FAM83G: variants seen among roughly 807,000 people sequenced by gnomAD.
FAM83G encodes protein FAM83G.
Under a neutral mutation model 61.5 loss-of-function variants are expected in FAM83G, and 38 were observed. That is an observed-to-expected ratio of 0.62 (90% CI 0.48 to 0.81). FAM83G has a LOEUF of 0.81. Ranked by LOEUF, FAM83G falls within the 30% of genes least tolerant of loss-of-function variation. The pLI is 0.00. For synonymous variants in FAM83G, 470 were observed against 476.1 expected (o/e 0.99, Z 0.17); for missense variants, 989 against 1,133.6 (o/e 0.87, Z 1.83).
Position 18,977,750 on chromosome 17 carries a change from T to C in FAM83G, c.1916A>G (p.Asn639Ser). Residue 639 changes from asparagine to serine, a missense_variant, in exon 5 of 6, where the codon AAC becomes AGC. Transcript: ENST00000388995. ...LRRRHSEQVA[N>S]GPTPPPRRQL... ...CCGGCGCGGTGGTGGGGTTGGCCCG[T>C]TGGCCACTTGCTCTGAGTGGCGCCT... 6.2e-7 allele frequency: 1 copy of C among 1,605,846 alleles called. No individual in the cohort carries two copies. Among genetic ancestry groups the C allele is most frequent in the Non-Finnish European group, 8.5e-7 (1 of 1,176,564 alleles).
Position 18,971,334 on chromosome 17 carries a change from T to C in FAM83G, c.*25A>G, listed in dbSNP as rs1303200247. On this transcript the variant is annotated 3_prime_UTR_variant, in exon 6 of 6. Coordinates refer to ENST00000388995, the MANE Select transcript of FAM83G (RefSeq NM_001039999.3). This position sits in a 1 kb window ranked among gnomAD's most constrained non-coding sequence, Gnocchi z 5.5. ...GAGTCTGGGCTGGGGCCTCAGAAGG[T>C]GTGGCTCCAGGCTGGGACATGCTGC... The C allele has an allele frequency of 1.9e-6, 3 of 1,606,436 alleles. No individual in the cohort carries two copies. The highest frequency in any genetic ancestry group is 2.2e-5 in the East Asian group (1 of 44,692).
chr17:18,999,141 G>T (rs2043653657), intron 2 of FAM83G, among the ~76,000 whole-genome samples: 1 of 152,176 alleles, frequency 6.6e-6, no homozygotes, highest in East Asian at 1.9e-4. Context: ...AGCTGGGCGT[G>T]GTGGCGCACA....
At chr17:18,989,959 G>A (rs73306485) in intron 2 of FAM83G, among the ~76,000 whole-genome samples, 3,095 of 152,328 alleles carry the variant, frequency 0.02, 106 homozygotes, top group African/African-American at 0.07. Flanking sequence ...CCCCCAGAGC[G>A]GACAGCGGAG....
Position 18,969,276 on chromosome 17 carries a change from G to A in FAM83G, c.*2083C>T. On this transcript the variant is annotated 3_prime_UTR_variant, in exon 6 of 6. Transcript: ENST00000388995. Reference sequence around the variant, plus strand: ...AGTGGCCCCAGCAGGAGCCCCAGAAGTTCCTCCCCGTGTCCCTCCTCCCTG... The same window carrying A: ...AGTGGCCCCAGCAGGAGCCCCAGAAATTCCTCCCCGTGTCCCTCCTCCCTG... 2 of 1,588,438 alleles carry A rather than the reference G, an allele frequency of 1.3e-6. No individual in the cohort carries two copies. Among genetic ancestry groups the A allele is most frequent in the Non-Finnish European group, 8.6e-7 (1 of 1,162,758 alleles).
At chr17:18,977,517 G>T in intron 5 of FAM83G, 67 bp downstream of exon 5, 2 of 1,474,892 alleles carry the variant, frequency 1.4e-6, no homozygotes, top group Non-Finnish European at 1.8e-6. Flanking sequence ...GAAGACAACA[G>T]CTCGAGCTCT....
At chr17:18,975,718 G>A (rs966417398) in intron 5 of FAM83G, 1 of 151,910 alleles carries the variant, frequency 6.6e-6, no homozygotes, top group Non-Finnish European at 1.5e-5. Flanking sequence ...AATCATAGAG[G>A]CTTCCTGCTC....
chr17:18,985,820 C>T (rs1389433051), intron 3 of FAM83G, among the ~76,000 whole-genome samples: 3 of 152,174 alleles, frequency 2.0e-5, no homozygotes, highest in Non-Finnish European at 4.4e-5. Flanking sequence ...ACCTGCAGTG[C>T]CAGCTGCCTT....
At chr17:18,976,970 C>T in intron 5 of FAM83G, 2 of 1,612,906 alleles carry the variant, frequency 1.2e-6, no homozygotes, top group Non-Finnish European at 1.7e-6. Context: ...CGGGCATGAT[C>T]AGCCGCGCAT....
chr17:18,994,406 G>C (rs62072660), intron 2 of FAM83G, among the ~76,000 whole-genome samples: 11,423 of 152,236 alleles, frequency 0.075, 648 homozygotes, highest in South Asian at 0.22. Context: ...GTAGCAGCTA[G>C]GATTTGCAGG....
intron 2 of FAM83G, among the ~76,000 whole-genome samples, chr17:18,988,946 G>A (rs917748995): frequency 6.6e-6 from 1 of 152,218 alleles, no homozygotes; most frequent in Non-Finnish European, 1.5e-5. Flanking sequence ...CAGGGCAGGG[G>A]GCCTGGCTGA....
rs558228631 is a variant in FAM83G at position 19,000,756 on chromosome 17, C to G, written c.522+2764G>C. On this transcript the variant is annotated intron_variant, in intron 2 of 5. Transcript: ENST00000388995. The surrounding 1 kb of genome is among the most constrained non-coding windows in gnomAD (Gnocchi z 5.2). ...CAGGCAGAGTTCTCCCTACACAATA[C>G]CAGAGTGAGAAGGGGAGGTGGAAGC... Among the ~76,000 whole-genome samples, 1 of 152,146 alleles carries G rather than the reference C, an allele frequency of 6.6e-6. No individual in the cohort carries two copies. Among genetic ancestry groups the G allele is most frequent in the African/African-American group, 2.4e-5 (1 of 41,436 alleles).
Position 18,971,288 on chromosome 17 carries a change from C to G in FAM83G, c.*71G>C. 1 of 1,609,502 alleles carries G rather than the reference C, an allele frequency of 6.2e-7. No homozygotes were observed. The highest frequency in any genetic ancestry group is 1.7e-5 in the Admixed American group (1 of 59,934). On this transcript the variant is annotated 3_prime_UTR_variant, in exon 6 of 6. Transcript: ENST00000388995. This position sits in a 1 kb window ranked among gnomAD's most constrained non-coding sequence, Gnocchi z 5.5. ...AGTGGGCTCTGGTAGGCCCAGGCGG[C>G]CTGTCTGCCCTCCGCGTCATGAGTC...
In FAM83G at chr17:19,003,149, G is replaced by A. The variant is rs1415027430; in HGVS notation, c.522+371C>T. Among the ~76,000 whole-genome samples the A allele has an allele frequency of 7.9e-5, 12 of 151,286 alleles. No individual in the cohort carries two copies. The South Asian group carries it at 2.3e-3, about 29-fold the overall frequency. Reference sequence around the variant, plus strand: ...ACCAGAGAGCTCATGGTGTGTGCGCGCCTTTACAGTGAATCAGAGCCACTC... The same window carrying A: ...ACCAGAGAGCTCATGGTGTGTGCGCACCTTTACAGTGAATCAGAGCCACTC... On this transcript the variant is annotated intron_variant, in intron 2 of 5. Coordinates refer to ENST00000388995, the MANE Select transcript of FAM83G (RefSeq NM_001039999.3). This position sits in a 1 kb window ranked among gnomAD's most constrained non-coding sequence, Gnocchi z 4.5.
At position 18,978,569 on chromosome 17, in the gene FAM83G, T is replaced by C; in HGVS notation, c.1097A>G (p.Glu366Gly). Residue 366 changes from glutamate to glycine, a missense_variant, in exon 5 of 6, where the codon GAG (glutamate) becomes GGG (glycine). Glu to Gly is a moderately conservative substitution (Grantham distance 98). Around this residue, in one of 3 missense-constraint regions of FAM83G, gnomAD observed 574 missense variants for 645.1 expected, o/e 0.89. Coordinates refer to ENST00000388995, the MANE Select transcript of FAM83G (RefSeq NM_001039999.3). ...CAGGGGCTTCTTGGCCTCCTGCTTC[T>C]CAGAGGAGATCTTGGCAATCTCGTC... is the stretch of plus-strand genomic sequence containing the variant. The part of the protein sequence containing the change: ...SVDEIAKISS[E>G]KQEAKKPLGL... The C allele has an allele frequency of 6.2e-7, 1 of 1,613,232 alleles. No homozygotes were observed. The highest frequency in any genetic ancestry group is 8.5e-7 in the Non-Finnish European group (1 of 1,179,990).
intron 2 of FAM83G, among the ~76,000 whole-genome samples, chr17:18,997,633 G>T (rs145541414): frequency 6.6e-6 from 1 of 152,332 alleles, no homozygotes; most frequent in Non-Finnish European, 1.5e-5. Context: ...CTTGCCCAAG[G>T]TCACAAAGCA....
At chr17:19,005,167 G>C (rs553548898), upstream of FAM83G, among the ~76,000 whole-genome samples, 6 of 152,348 alleles carry the variant, frequency 3.9e-5, no homozygotes, top group Admixed American at 1.3e-4. Flanking sequence ...AGGGTACTGG[G>C]CTGGGAGCCC....
chr17:18,983,111 T>C (rs1317031631), intron 3 of FAM83G, among the ~76,000 whole-genome samples: 1 of 152,212 alleles, frequency 6.6e-6, no homozygotes, highest in East Asian at 1.9e-4. Flanking sequence ...TCAGCCGTAC[T>C]GGGTGGGTGG....
chr17:19,002,128 C>A (rs1341570790), intron 2 of FAM83G, among the ~76,000 whole-genome samples: 1 of 152,122 alleles, frequency 6.6e-6, no homozygotes, highest in South Asian at 2.1e-4. Context: ...CCCTCCTCCT[C>A]CTCTTCCTCT....
At chr17:18,997,540 C>T (rs1179936017) in intron 2 of FAM83G, among the ~76,000 whole-genome samples, 2 of 152,202 alleles carry the variant, frequency 1.3e-5, no homozygotes, top group African/African-American at 4.8e-5. Flanking sequence ...CCTTTAAAAC[C>T]TCAGCTTCTC....
Sources: allele counts gnomAD v4.1 joint callset (sites outside exome capture counted in the v4.1 genomes callset), GRCh38; gene constraint gnomAD v4.1.1; regional missense constraint gnomAD v4.1.1; non-coding constraint Gnocchi (gnomAD v3.1); transcripts MANE v1.5; gene names NCBI Gene and HGNC (gene_info 2026-07-23, HGNC 2026-07-21).